The following ACAP3 variants were observed in gnomAD, a reference collection of about 807,000 sequenced individuals.
ACAP3 encodes the protein arf-GAP with coiled-coil, ANK repeat and PH domain-containing protein 3.
Under a neutral mutation model 104.1 loss-of-function variants are expected in ACAP3, and 56 were observed. That is an observed-to-expected ratio of 0.54 (90% CI 0.43 to 0.67). The LOEUF is 0.67. ACAP3 is among the 30% of genes least tolerant of loss of function. The pLI, the probability that ACAP3 is intolerant of heterozygous loss-of-function variation, is 0.00. For synonymous variants in ACAP3, 628 were observed against 496.2 expected, an observed-to-expected ratio of 1.27 and a Z score of -3.53; for missense variants, 1,208 against 1,174.9, an observed-to-expected ratio of 1.03 and a Z score of -0.41.
intron 15 of ACAP3, 26 bp downstream of exon 15, chr1:1,296,399 C>G: frequency 6.5e-7 from 1 of 1,532,134 alleles, no homozygotes; most frequent in South Asian, 1.2e-5. Context: ...CAACCCCCAC[C>G]CCCAGCCTGG....
intron 5 of ACAP3, 138 bp downstream of exon 5, chr1:1,301,850 A>T: frequency 1.3e-6 from 1 of 762,046 alleles, no homozygotes; most frequent in Non-Finnish European, 2.0e-6. Flanking sequence ...TCTGCCTCTG[A>T]GCCTTCTGCC....
chr1:1,306,411 G>A (rs781359033), intron 1 of ACAP3, among the ~76,000 whole-genome samples: 36 of 152,244 alleles, frequency 2.4e-4, no homozygotes, highest in Non-Finnish European at 4.7e-4. Context: ...CCCACAGCCC[G>A]GGTCCTCAAT....
At chr1:1,305,635 C>T (rs867886649) in intron 1 of ACAP3, 5 of 152,396 alleles carry the variant, frequency 3.3e-5, no homozygotes, top group South Asian at 2.1e-4. Context: ...CTCAGCTCTC[C>T]CTTCCTCAGT....
At chr1:1,306,346 G>A (rs1207687710) in intron 1 of ACAP3, among the ~76,000 whole-genome samples, 1 of 152,166 alleles carries the variant, frequency 6.6e-6, no homozygotes, top group African/African-American at 2.4e-5. Flanking sequence ...CCAGGGAGAA[G>A]GTGGGTGCTT....
intron 6 of ACAP3, 89 bp downstream of exon 6, chr1:1,300,420 C>T (rs1308351639): frequency 2.1e-6 from 3 of 1,409,972 alleles, no homozygotes; most frequent in African/African-American, 1.4e-5. Flanking sequence ...GTCACTCCTG[C>T]TCAAAATCCC....
intron 5 of ACAP3, among the ~76,000 whole-genome samples, 184 bp from the exon 6 acceptor site, chr1:1,300,876 A>G (rs916323858): frequency 6.6e-6 from 1 of 152,062 alleles, no homozygotes; most frequent in African/African-American, 2.4e-5. Context: ...AGTTCAAGTG[A>G]TTCTCCTGCC....
At chr1:1,305,792 G>A (rs774692960) in intron 1 of ACAP3, 6 of 152,202 alleles carry the variant, frequency 3.9e-5, no homozygotes, top group Non-Finnish European at 8.8e-5. Flanking sequence ...ACTGAACAGA[G>A]GCCAGGCGGT....
In ACAP3 at chr1:1,303,109, C is replaced by G; in HGVS notation, c.225+53G>C. On this transcript the variant is annotated intron_variant, in intron 3 of 23. Coordinates refer to ENST00000354700, the MANE Select transcript of ACAP3 (RefSeq NM_030649.3). The surrounding 1 kb of genome is among the most constrained non-coding windows in gnomAD (Gnocchi z 4.0). ...TGGACGCCCTCAAGGGGCTGCCTCC[C>G]TCGGCCTCTCCCCCAACCCCACCTT... 1 of 1,562,534 alleles carries G rather than the reference C, an allele frequency of 6.4e-7. No individual in the cohort carries two copies. Among genetic ancestry groups the G allele is most frequent in the Admixed American group, 1.9e-5 (1 of 52,636 alleles).
Position 1,296,034 on chromosome 1 carries a change from G to GT in ACAP3, c.1482dup (p.Pro495ThrfsTer63). The GT allele has an allele frequency of 6.2e-7, 1 of 1,612,814 alleles. No homozygotes were observed. The highest frequency in any genetic ancestry group is 8.5e-7 in the Non-Finnish European group (1 of 1,179,978). On this transcript the variant is annotated frameshift_variant, in exon 17 of 24. Coordinates refer to ENST00000354700, the MANE Select transcript of ACAP3 (RefSeq NM_030649.3). LOFTEE classifies it high-confidence loss of function. ...CCTCACCGGGAGCTGCTGGCTGTGG[G>GT]TTTCCTGCTGCCTGCACCCTCACAC... is the stretch of plus-strand genomic sequence containing the variant.
chr1:1,300,499 T>G lies in ACAP3; in HGVS notation c.522+10A>C. On this transcript the variant is annotated intron_variant, in intron 6 of 23. Coordinates refer to ENST00000354700, the MANE Select transcript of ACAP3 (RefSeq NM_030649.3). ...TGGTCCCCGCCCCCCAGCCCATTTC[T>G]GGGGCTGACCTGGAGCACATAGTCC... The G allele has an allele frequency of 6.2e-7, 1 of 1,603,512 alleles. No individual in the cohort carries two copies. Among genetic ancestry groups the G allele is most frequent in the Non-Finnish European group, 8.5e-7 (1 of 1,175,902 alleles).
rs1208540814 is a variant in ACAP3 at position 1,294,092 on chromosome 1, G to T, written c.2247C>A (p.Thr749=). 6.4e-7 allele frequency: 1 copy of T among 1,568,552 alleles called. No homozygotes were observed. Among genetic ancestry groups the T allele is most frequent in the Admixed American group, 1.8e-5 (1 of 54,092 alleles). Residue 749 remains threonine (T), a splice_region_variant and synonymous_variant, in exon 22 of 24, where the codon ACC becomes ACA. Coordinates refer to ENST00000354700, the MANE Select transcript of ACAP3 (RefSeq NM_030649.3). ...GGGGCGTGGGTTGCGCGTCTCACCCGGTGCGGCCCAGCAGCGTGGCGTGGT... is the reference window on the plus strand; with the variant it reads ...GGGGCGTGGGTTGCGCGTCTCACCCTGTGCGGCCCAGCAGCGTGGCGTGGT... ...PLHHATLLGR[T]GQVCLFLKRG... is the part of the protein sequence containing the mutation.
chr1:1,292,779 C>T lies in ACAP3; in HGVS notation c.*785G>A, dbSNP rs1289058372. On this transcript the variant is annotated 3_prime_UTR_variant, in exon 24 of 24. Transcript: ENST00000354700. ...GGCAGGGCTGGGGCTCAGGCGTCCT[C>T]AAGAGTCCACAGAGAAAAGACGCAA... 6.6e-6 allele frequency: 1 copy of T among 152,334 alleles called. No individual in the cohort carries two copies. The allele number at this position is 152,334 out of a possible 1,614,324, so 9.4% of individuals were successfully genotyped here.
rs770515085 is a variant in ACAP3, at chr1:1,298,055, T to G, written c.974A>C (p.Asp325Ala). The change falls in exon 13 of 24, where the codon GAC becomes GCC. Residue 325 changes from aspartate to alanine, a missense_variant. Physicochemically the swap from Asp to Ala is moderately radical, Grantham distance 126. Coordinates refer to ENST00000354700, the MANE Select transcript of ACAP3 (RefSeq NM_030649.3). ...LRLCSVKPCE[D>A]IERRFCFEVL... ...CTCGAAGCAGAACCTCCGCTCGATG[T>G]CCTCACACGGCTTCACAGAGCACAG... The G allele has an allele frequency of 1.2e-6, 2 of 1,611,526 alleles. No homozygotes were observed. Among genetic ancestry groups the G allele is most frequent in the South Asian group, 1.1e-5 (1 of 90,858 alleles).
In ACAP3 at chr1:1,304,143, C is replaced by T; in HGVS notation, c.48G>A (p.Arg16=). The part of the protein sequence containing the change: ...EECVKDSPRF[R]ATIDEVETDV... ...CCGTCTCCACCTCGTCAATGGTCGC[C>T]CTAAAGCAAGAACGGGGCTGGCTGG... The change falls in exon 2 of 24, where the codon AGG becomes AGA. Residue 16 remains arginine, a splice_region_variant and synonymous_variant. Transcript: ENST00000354700. 2 of 1,550,622 alleles carry T rather than the reference C, an allele frequency of 1.3e-6. No individual in the cohort carries two copies. The highest frequency in any genetic ancestry group is 1.4e-5 in the African/African-American group (1 of 73,164).
At position 1,295,773 on chromosome 1, in the gene ACAP3, A is replaced by T. The variant is rs1295348932; in HGVS notation, c.1668T>A (p.Leu556=). ...RAPTARRKVR[L]EPVLPCVAAL... is the part of the protein sequence containing the mutation. ...CGGCCACACAGGGCAGAACGGGCTC[A>T]AGCCGGACCTTGCGGCGGGCAGTGG... The change falls in exon 18 of 24, where the codon CTT becomes CTA. Residue 556 remains leucine (L), a synonymous_variant. Coordinates refer to ENST00000354700, the MANE Select transcript of ACAP3 (RefSeq NM_030649.3). 1 of 1,608,118 alleles carries T rather than the reference A, an allele frequency of 6.2e-7. No individual in the cohort carries two copies. Among genetic ancestry groups the T allele is most frequent in the South Asian group, 1.1e-5 (1 of 91,008 alleles).
intron 4 of ACAP3, 69 bp from the exon 5 acceptor site, chr1:1,302,115 C>T (rs1641471707): frequency 7.5e-7 from 1 of 1,338,028 alleles, no homozygotes; most frequent in South Asian, 1.9e-5. Flanking sequence ...AGGCCCCATC[C>T]TCACCAGCAG....
At chr1:1,295,679 A>G (rs1413676478) in intron 18 of ACAP3, 57 bp downstream of exon 18, 12 of 1,556,384 alleles carry the variant, frequency 7.7e-6, no homozygotes, top group Non-Finnish European at 1.0e-5. Context: ...CCCTTGACGG[A>G]GTCCATCCCC....
Position 1,294,426 on chromosome 1 carries a change from C to T in ACAP3, c.2115G>A (p.Thr705=), listed in dbSNP as rs1196220504. The change falls in exon 21 of 24, where the codon ACG becomes ACA. Residue 705 remains threonine (T), a synonymous_variant. Coordinates refer to ENST00000354700, the MANE Select transcript of ACAP3 (RefSeq NM_030649.3). ...CCCCTAGCACGGCCTGCACCAGCGG[C>T]GTCTTGCCCTCATCCTCCGCGTCCG... The part of the protein sequence containing the change: ...NWADAEDEGK[T]PLVQAVLGGS... The T allele has an allele frequency of 1.9e-6, 3 of 1,575,576 alleles. No homozygotes were observed. The highest frequency in any genetic ancestry group is 2.3e-5 in the South Asian group (2 of 86,904).
intron 9 of ACAP3, 76 bp downstream of exon 9, chr1:1,299,755 G>A (rs1269371248): frequency 6.9e-7 from 1 of 1,442,714 alleles, no homozygotes; most frequent in Non-Finnish European, 9.3e-7. Flanking sequence ...GGCGGGGAGG[G>A]TGTGCCGGGC....
Sources: allele counts gnomAD v4.1 joint callset (sites outside exome capture counted in the v4.1 genomes callset), GRCh38; gene constraint gnomAD v4.1.1; non-coding constraint Gnocchi (gnomAD v3.1); transcripts MANE v1.5; gene names NCBI Gene and HGNC (gene_info 2026-07-23, HGNC 2026-07-21).